The following TMEM132C variants were observed in gnomAD, a reference collection of about 807,000 sequenced individuals.
The protein encoded by TMEM132C is transmembrane protein 132C.
TMEM132C carries 29 observed loss-of-function variants against 61.4 expected under a neutral mutation model. That is an observed-to-expected ratio of 0.47 (90% CI 0.35 to 0.64). The LOEUF (loss-of-function observed/expected upper bound fraction) is 0.64. Ranked by LOEUF, TMEM132C falls within the 30% of genes least tolerant of loss-of-function variation. The pLI, the probability that TMEM132C is intolerant of heterozygous loss-of-function variation, is 0.00. For synonymous variants in TMEM132C, 656 were observed against 633.1 expected (o/e 1.04, Z -0.54); for missense variants, 1,408 against 1,476.9 (o/e 0.95, Z 0.76).
At chr12:128,493,835 C>T (rs920645897) in intron 2 of TMEM132C, among the ~76,000 whole-genome samples, 45 of 152,202 alleles carry the variant, frequency 3.0e-4, no homozygotes, top group African/African-American at 1.1e-3. Context: ...ATTGAATACC[C>T]TTTATTTCTT....
At chr12:128,506,049 TC>T (rs1363119235) in intron 2 of TMEM132C, among the ~76,000 whole-genome samples, 2 of 152,222 alleles carry the variant, frequency 1.3e-5, no homozygotes, top group African/African-American at 4.8e-5. Flanking sequence ...CTGGTTTTGT[TC>T]TTCTGTATCA....
intron 2 of TMEM132C, among the ~76,000 whole-genome samples, chr12:128,528,674 C>T (rs1411261739): frequency 6.6e-6 from 1 of 152,150 alleles, no homozygotes; most frequent in Non-Finnish European, 1.5e-5. Flanking sequence ...ACCTCCCAGC[C>T]TCCACCCGCT....
At chr12:128,394,508 G>C (rs1874875627) in intron 1 of TMEM132C, among the ~76,000 whole-genome samples, 1 of 152,222 alleles carries the variant, frequency 6.6e-6, no homozygotes, top group African/African-American at 2.4e-5. Flanking sequence ...TGTAAAGCAA[G>C]CACAACTTGG....
chr12:128,564,192 AAG>A, intron 3 of TMEM132C, among the ~76,000 whole-genome samples: 1 of 152,288 alleles, frequency 6.6e-6, no homozygotes, highest in African/African-American at 2.4e-5. Flanking sequence ...CTCTATGCTC[AAG>A]ATCTCATCTA....
intron 2 of TMEM132C, among the ~76,000 whole-genome samples, chr12:128,534,740 A>T (rs1873456759): frequency 6.6e-6 from 1 of 152,262 alleles, no homozygotes; most frequent in African/African-American, 2.4e-5. Flanking sequence ...TGAAGTAGAC[A>T]GGAATATCCA....
chr12:128,474,499 T>C (rs1196731583), intron 2 of TMEM132C, among the ~76,000 whole-genome samples: 1 of 152,214 alleles, frequency 6.6e-6, no homozygotes, highest in African/African-American at 2.4e-5. Context: ...TGGGGCAGCT[T>C]CACTAGAGAC....
chr12:128,665,951 A>G (rs1954463694), intron 4 of TMEM132C, among the ~76,000 whole-genome samples: 2 of 149,296 alleles, frequency 1.3e-5, no homozygotes, highest in African/African-American at 2.5e-5. Context: ...AAACACAGGC[A>G]CACACACACA....
chr12:128,636,519 T>C (rs1477333981), intron 4 of TMEM132C, among the ~76,000 whole-genome samples: 2 of 152,108 alleles, frequency 1.3e-5, no homozygotes, highest in Non-Finnish European at 2.9e-5. Flanking sequence ...AGTTTACTTA[T>C]GTCCTTTTGT....
chr12:128,601,552 G>A (rs1005441223), intron 3 of TMEM132C, among the ~76,000 whole-genome samples: 3 of 152,192 alleles, frequency 2.0e-5, no homozygotes, highest in African/African-American at 4.8e-5. Context: ...AGTGAGTCCC[G>A]TGTAACCAGG....
At chr12:128,678,143 GA>G (rs1374859066) in intron 5 of TMEM132C, among the ~76,000 whole-genome samples, 1 of 152,236 alleles carries the variant, frequency 6.6e-6, no homozygotes, top group African/African-American at 2.4e-5. Context: ...CAGGACAGCA[GA>G]AGAGAGTTTT....
At chr12:128,546,968 GT>G (rs1368143796) in intron 3 of TMEM132C, among the ~76,000 whole-genome samples, 1 of 152,176 alleles carries the variant, frequency 6.6e-6, no homozygotes, top group Non-Finnish European at 1.5e-5. Flanking sequence ...GAAATGCTGG[GT>G]TTGGACACCT....
intron 2 of TMEM132C, among the ~76,000 whole-genome samples, chr12:128,481,786 TC>T (rs1871323937): frequency 6.6e-6 from 1 of 152,138 alleles, no homozygotes; most frequent in Non-Finnish European, 1.5e-5. Context: ...GGCTTGGTTG[TC>T]CCTGGCTTCC....
chr12:128,665,916 C>T (rs1954462410), intron 4 of TMEM132C, among the ~76,000 whole-genome samples: 1 of 144,466 alleles, frequency 6.9e-6, no homozygotes, highest in Admixed American at 6.8e-5. Context: ...CACAGGCACA[C>T]ACACATTCAC....
chr12:128,369,169 T>C (rs1394881450), intron 1 of TMEM132C, among the ~76,000 whole-genome samples: 1 of 152,226 alleles, frequency 6.6e-6, no homozygotes, highest in East Asian at 1.9e-4. Flanking sequence ...CTCTTGTTTA[T>C]TAAGCCTTCT....
chr12:128,542,391 C>T lies in TMEM132C; in HGVS notation c.975-1566C>T, dbSNP rs184886958. On this transcript the variant is annotated intron_variant, in intron 2 of 8. Transcript: ENST00000435159. ...CACGATCTCAGCTCGCTGCAACCTC[C>T]GCCTCCCAGGTTCAAGTGACCCTCC... Among the ~76,000 whole-genome samples the T allele has an allele frequency of 2.5e-3, 374 of 152,212 alleles. 1 individual carries two copies. Among genetic ancestry groups the T allele is most frequent in the African/African-American group, 8.4e-3 (348 of 41,532 alleles).
intron 2 of TMEM132C, among the ~76,000 whole-genome samples, chr12:128,441,760 C>T (rs1258646646): frequency 3.9e-5 from 6 of 152,056 alleles, no homozygotes; most frequent in Admixed American, 2.0e-4. Context: ...TTTGGGAGGC[C>T]GAGGCGGGCA....
In TMEM132C at chr12:128,621,787, T is replaced by C. The variant is rs566103147; in HGVS notation, c.1305+5452T>C. On this transcript the variant is annotated intron_variant, in intron 4 of 8. Transcript: ENST00000435159. ...TCTCCTCTCTCTGGGCTCCAGCATC[T>C]CAACTGCCTTGCCCTGCCCCTAGGC... Among the ~76,000 whole-genome samples the C allele has an allele frequency of 5.3e-5, 8 of 152,300 alleles. No homozygotes were observed. In the East Asian group the frequency reaches 1.5e-3, roughly 29 times the overall value.
At chr12:128,633,183 G>A (rs1954076484) in intron 4 of TMEM132C, among the ~76,000 whole-genome samples, 1 of 152,132 alleles carries the variant, frequency 6.6e-6, no homozygotes, top group Non-Finnish European at 1.5e-5. Flanking sequence ...GCCGCATAGT[G>A]GCCTAACAAC....
intron 2 of TMEM132C, among the ~76,000 whole-genome samples, chr12:128,433,694 C>A (rs983147907): frequency 6.6e-6 from 1 of 152,120 alleles, no homozygotes; most frequent in Admixed American, 6.5e-5. Context: ...ATCTGAGAAA[C>A]CCCCTGGGAA....
Sources: allele counts gnomAD v4.1 joint callset (sites outside exome capture counted in the v4.1 genomes callset), GRCh38; gene constraint gnomAD v4.1.1; transcripts MANE v1.5; gene names NCBI Gene and HGNC (gene_info 2026-07-23, HGNC 2026-07-21).